The following SCAF1 variants were observed in gnomAD, a reference collection of about 807,000 sequenced individuals.
The protein encoded by SCAF1 is splicing factor, arginine/serine-rich 19.
A neutral mutation model predicts 91.2 loss-of-function variants in SCAF1; 28 were observed. The observed-to-expected ratio is 0.31, with a 90% confidence interval of 0.23 to 0.42. The LOEUF (loss-of-function observed/expected upper bound fraction) is 0.42. Ranked by LOEUF, SCAF1 falls within the 10% of genes least tolerant of loss-of-function variation. The pLI, the probability that SCAF1 is intolerant of heterozygous loss-of-function variation, is 1.00. For missense variants in SCAF1, 1,893 were observed against 1,872.1 expected, an observed-to-expected ratio of 1.01 and a Z score of -0.21; for synonymous variants, 1,036 against 833.7, an observed-to-expected ratio of 1.24 and a Z score of -4.18.
chr19:49,645,032 G>A lies in SCAF1; in HGVS notation c.6G>A (p.Glu2=). 6.2e-7 allele frequency: 1 copy of A among 1,613,790 alleles called. No homozygotes were observed. Among genetic ancestry groups the A allele is most frequent in the Non-Finnish European group, 8.5e-7 (1 of 1,179,752 alleles). ...CCCTGGACCCCCAGGTGACCATGGA[G>A]GAAGAAGATGAGTCTCGAGGGAAGA... M[E]EEDESRGKTE... Residue 2 remains glutamate, a synonymous_variant, in exon 2 of 11, where the codon GAG becomes GAA. Transcript: ENST00000360565. The surrounding 1 kb of genome is among the most constrained non-coding windows in gnomAD (Gnocchi z 4.6).
rs2081162321 is a variant in SCAF1 at position 49,658,475 on chromosome 19, T to A, written c.*76T>A. 1.3e-6 allele frequency: 1 copy of A among 790,082 alleles called. No homozygotes were observed. The highest frequency in any genetic ancestry group is 2.0e-6 in the Non-Finnish European group (1 of 501,952). 48.9% of individuals were successfully genotyped at this position (790,082 alleles called of 1,614,324 possible). On this transcript the variant is annotated 3_prime_UTR_variant, in exon 11 of 11. Transcript: ENST00000360565. ...TTATGGCTCCACCTCCCCACCTCCC[T>A]CCCCCGTCAGTGGGATGACTGGGGG...
In SCAF1 at chr19:49,653,671, T is replaced by C; in HGVS notation, c.3282T>C (p.Ala1094=). ...CGCCCATGCCCTGGAATCTGCCAGC[T>C]GGTGTGGACTGCACCACCAGCGGCG... ...LPPPMPWNLP[A]GVDCTTSGVL... The change falls in exon 7 of 11, where the codon GCT becomes GCC. Residue 1094 remains alanine (A), a synonymous_variant. Transcript: ENST00000360565. 6.3e-7 allele frequency: 1 copy of C among 1,586,478 alleles called. No homozygotes were observed.
In SCAF1 at chr19:49,652,828, C is replaced by T. The variant is rs370588648; in HGVS notation, c.2439C>T (p.Val813=). 8.7e-6 allele frequency: 14 copies of T among 1,613,936 alleles called. No homozygotes were observed. Among genetic ancestry groups the T allele is most frequent in the Non-Finnish European group, 1.1e-5 (13 of 1,180,002 alleles). ...CAGGGCCCCCGCCAAAGCCACCAGT[C>T]AGCAGCGGCTCAGGCTCTTCATCCT... ...PSSGPPPKPP[V]SSGSGSSSSS... Residue 813 remains valine (V), a synonymous_variant, in exon 7 of 11, where the codon GTC becomes GTT. Coordinates refer to ENST00000360565, the MANE Select transcript of SCAF1 (RefSeq NM_021228.3).
rs1349532868 is a variant in SCAF1, at chr19:49,658,336, G to C, written c.3876G>C (p.Arg1292=). Residue 1292 remains arginine (R), a synonymous_variant, in exon 11 of 11, where the codon CGG becomes CGC. Transcript: ENST00000360565. The part of the protein sequence containing the change: ...RKPGDPPGPP[R]PPKEPGPPDK... The stretch of plus-strand genomic sequence containing the variant: ...CAGGGGACCCCCCAGGGCCCCCACG[G>C]CCGCCCAAGGAGCCAGGGCCCCCAG... The C allele has an allele frequency of 6.3e-7, 1 of 1,585,374 alleles. No individual in the cohort carries two copies. The highest frequency in any genetic ancestry group is 8.6e-7 in the Non-Finnish European group (1 of 1,168,012).
rs2081099505 is a variant in SCAF1, at chr19:49,652,171, C to A, written c.1782C>A (p.Arg594=). 8.6e-7 allele frequency: 1 copy of A among 1,164,378 alleles called. No individual in the cohort carries two copies. The highest frequency in any genetic ancestry group is 5.0e-5 in the Admixed American group (1 of 20,164). The allele number at this position is 1,164,378 out of a possible 1,614,324, so 72.1% of individuals were successfully genotyped here. Reference sequence around the variant, plus strand: ...GCTCGCGCAGCACCGACCGCCGCCGCGGGGGCAGCCGCAGGTCGCGGTCCC... The same window carrying A: ...GCTCGCGCAGCACCGACCGCCGCCGAGGGGGCAGCCGCAGGTCGCGGTCCC... ...RRRSRSTDRR[R]GGSRRSRSRE... The change falls in exon 7 of 11, where the codon CGC becomes CGA. Residue 594 remains arginine (R), a synonymous_variant. Coordinates refer to ENST00000360565, the MANE Select transcript of SCAF1 (RefSeq NM_021228.3).
rs1027612650 is a variant in SCAF1 at position 49,645,201 on chromosome 19, C to T, written c.108+67C>T. The T allele has an allele frequency of 6.4e-5, 97 of 1,527,100 alleles. 1 individual carries two copies. The Middle Eastern group carries it at 4.1e-3, about 64-fold the overall frequency. The allele number at this position is 1,527,100 out of a possible 1,614,324, so 94.6% of individuals were successfully genotyped here. A position where few individuals can be genotyped will look rare whatever the true frequency, so the allele number is the denominator to read the frequency against. On this transcript the variant is annotated intron_variant, in intron 2 of 10. Transcript: ENST00000360565. This position sits in a 1 kb window ranked among gnomAD's most constrained non-coding sequence, Gnocchi z 4.6. ...GGGCATCCACACTCCAGGGGCCTGA[C>T]TCCAGGGCCTGAGGCAGGGGCGCTG...
In SCAF1 at chr19:49,646,565, G is replaced by C. The variant is rs1413038223; in HGVS notation, c.301G>C (p.Val101Leu). The change falls in exon 5 of 11, where the codon GTG becomes CTG. Residue 101 changes from valine to leucine, a missense_variant. By Grantham distance (32) the Val-to-Leu change is conservative (BLOSUM62 1). Transcript: ENST00000360565. The surrounding 1 kb of genome is among the most constrained non-coding windows in gnomAD (Gnocchi z 5.6). ...CACGGACAGCTTCCTCGCAGGGCTG[G>C]TGAGTGTCCTGGATCCCCCGGATAC... is the stretch of plus-strand genomic sequence containing the variant. ...MATDSFLAGL[V>L]SVLDPPDTWV... 6.8e-6 allele frequency: 11 copies of C among 1,614,028 alleles called. No homozygotes were observed. Among genetic ancestry groups the C allele is most frequent in the African/African-American group, 1.3e-5 (1 of 74,908 alleles).
Position 49,646,240 on chromosome 19 carries a change from G to T in SCAF1, c.261+38G>T, listed in dbSNP as rs748761021. 19 of 1,427,982 alleles carry T rather than the reference G, an allele frequency of 1.3e-5. No individual in the cohort carries two copies. Among genetic ancestry groups the T allele is most frequent in the Non-Finnish European group, 1.5e-5 (15 of 1,033,098 alleles). 88.5% of individuals were successfully genotyped at this position (1,427,982 alleles called of 1,614,324 possible). A position where few individuals can be genotyped will look rare whatever the true frequency, so the allele number is the denominator to read the frequency against. On this transcript the variant is annotated intron_variant, in intron 4 of 10. Transcript: ENST00000360565. The surrounding 1 kb of genome is among the most constrained non-coding windows in gnomAD (Gnocchi z 5.6). ...AGGGGGCTGGGGGCCTGGCTCACGG[G>T]TATCAGGGAGGAAGGGATGGGGGCC...
chr19:49,653,097 AGGCCAAGGCAGG>A lies in SCAF1; in HGVS notation c.2716_2727del (p.Ala906_Lys909del), dbSNP rs1325180416. ...ACCAAGCCCAAAAAGACCAAGGTCA[AGGCCAAGGCAGG>A]GGCCAAGAAAACCAAGGGGACCAAG... On this transcript the variant is annotated inframe_deletion, in exon 7 of 11. Transcript: ENST00000360565. 2 of 1,612,766 alleles carry A rather than the reference AGGCCAAGGCAGG, an allele frequency of 1.2e-6. No individual in the cohort carries two copies. The highest frequency in any genetic ancestry group is 1.1e-5 in the South Asian group (1 of 90,946).
In SCAF1 at chr19:49,646,769, C is replaced by T. The variant is rs764431608; in HGVS notation, c.417C>T (p.Pro139=). ...AGGTCCGAATCGGGGACAGAGATCCCATCCCTCTGCCTGTGCCCAGCCTGC... is the reference window on the plus strand; with the variant it reads ...AGGTCCGAATCGGGGACAGAGATCCTATCCCTCTGCCTGTGCCCAGCCTGC... ...VAEVRIGDRD[P]IPLPVPSLLP... The change falls in exon 6 of 11, where the codon CCC becomes CCT. Residue 139 remains proline, a synonymous_variant. Transcript: ENST00000360565. This position sits in a 1 kb window ranked among gnomAD's most constrained non-coding sequence, Gnocchi z 5.6. The T allele has an allele frequency of 1.9e-6, 3 of 1,613,784 alleles. No individual in the cohort carries two copies. Among genetic ancestry groups the T allele is most frequent in the African/African-American group, 1.3e-5 (1 of 74,912 alleles).
Position 49,651,160 on chromosome 19 carries a change from C to G in SCAF1, c.771C>G (p.Asn257Lys). ...KYDPFEPTGSNPSSSAGTPSP... is the reference protein window; with the variant it reads ...KYDPFEPTGSKPSSSAGTPSP... ...ACCCTTTTGAGCCCACCGGCTCCAA[C>G]CCCAGCTCATCAGCGGGGACCCCCT... Residue 257 changes from asparagine (N) to lysine (K), a missense_variant, in exon 7 of 11, where the codon AAC becomes AAG. By Grantham distance (94) the Asn-to-Lys change is moderately conservative. Transcript: ENST00000360565. 1 of 1,613,172 alleles carries G rather than the reference C, an allele frequency of 6.2e-7. No individual in the cohort carries two copies. Among genetic ancestry groups the G allele is most frequent in the Non-Finnish European group, 8.5e-7 (1 of 1,179,820 alleles).
At chr19:49,658,015 G>A (rs2081155049) in intron 10 of SCAF1, 126 bp downstream of exon 10, 2 of 1,376,534 alleles carry the variant, frequency 1.5e-6, no homozygotes, top group Non-Finnish European at 2.0e-6. Flanking sequence ...TGAGGAGGGT[G>A]ACAGGATTTT....
Position 49,652,018 on chromosome 19 carries a change from GC to G in SCAF1, c.1632del (p.Ala545ProfsTer193). 1 of 1,207,802 alleles carries G rather than the reference GC, an allele frequency of 8.3e-7. No individual in the cohort carries two copies. The allele number at this position is 1,207,802 out of a possible 1,614,324, so 74.8% of individuals were successfully genotyped here. On this transcript the variant is annotated frameshift_variant, in exon 7 of 11. Transcript: ENST00000360565. LOFTEE classifies it high-confidence loss of function. ...CCTCGTCGGGCACCCAGCCAGCGCC[GC>G]CCGCCCCGGCCTCGCCCTGGGACTC... ...SSSSGTQPAP[P>X]APASPWDSKK...
At chr19:49,648,777 C>G (rs1255359770) in intron 6 of SCAF1, among the ~76,000 whole-genome samples, 1 of 151,884 alleles carries the variant, frequency 6.6e-6, no homozygotes, top group Admixed American at 6.6e-5. Context: ...TTGAGACCAT[C>G]CTGGCCAACA....
Position 49,651,030 on chromosome 19 carries a change from C to A in SCAF1, c.641C>A (p.Pro214His). Residue 214 changes from proline to histidine, a missense_variant, in exon 7 of 11, where the codon CCC (proline) becomes CAC (histidine). Transcript: ENST00000360565. Reference protein sequence around the residue: ...SSPSPPPPPPPPAPPAPPAPR... With the variant: ...SSPSPPPPPPHPAPPAPPAPR... ...CCTTCCCCTCCCCCACCCCCACCGC[C>A]CCCTGCACCCCCAGCCCCACCTGCC... 1 of 684,070 alleles carries A rather than the reference C, an allele frequency of 1.5e-6. No homozygotes were observed. Among genetic ancestry groups the A allele is most frequent in the Non-Finnish European group, 2.4e-6 (1 of 422,610 alleles). The allele number at this position is 684,070 out of a possible 1,614,324, so 42.4% of individuals were successfully genotyped here.
intron 6 of SCAF1, among the ~76,000 whole-genome samples, chr19:49,648,564 C>A (rs1353150871): frequency 6.6e-6 from 1 of 150,394 alleles, no homozygotes; most frequent in Non-Finnish European, 1.5e-5. Context: ...TGCCACACCC[C>A]CCCCCCTTTT....
At position 49,645,711 on chromosome 19, in the gene SCAF1, A is replaced by G. The variant is rs1451131258; in HGVS notation, c.166+300A>G. ...GCTCTCTAAGGACCTAGAAGAGTCT[A>G]AGGACCTAGGATTAGAGGGAAGCCT... On this transcript the variant is annotated intron_variant, in intron 3 of 10. Coordinates refer to ENST00000360565, the MANE Select transcript of SCAF1 (RefSeq NM_021228.3). The surrounding 1 kb of genome is among the most constrained non-coding windows in gnomAD (Gnocchi z 4.6). Among the ~76,000 whole-genome samples, 1 of 152,140 alleles carries G rather than the reference A, an allele frequency of 6.6e-6. No individual in the cohort carries two copies. The highest frequency in any genetic ancestry group is 1.5e-5 in the Non-Finnish European group (1 of 68,016).
In SCAF1 at chr19:49,642,996, A is replaced by G. The variant is rs2081035797; in HGVS notation, c.-7+754A>G. The stretch of plus-strand genomic sequence containing the variant: ...ATCTAGATGGCTTTAATGTGACTGC[A>G]GGAATGCAGTTTTGATGCCTGGAGC... On this transcript the variant is annotated intron_variant, in intron 1 of 10. Transcript: ENST00000360565. The surrounding 1 kb of genome is among the most constrained non-coding windows in gnomAD (Gnocchi z 4.0). 1.3e-5 allele frequency among the ~76,000 whole-genome samples: 2 copies of G among 152,222 alleles called. No homozygotes were observed. Among genetic ancestry groups the G allele is most frequent in the Non-Finnish European group, 1.5e-5 (1 of 68,036 alleles).
In SCAF1 at chr19:49,651,651, C is replaced by G; in HGVS notation, c.1262C>G (p.Pro421Arg). 1 of 1,423,924 alleles carries G rather than the reference C, an allele frequency of 7.0e-7. No homozygotes were observed. Among genetic ancestry groups the G allele is most frequent in the Non-Finnish European group, 9.1e-7 (1 of 1,098,202 alleles). The allele number at this position is 1,423,924 out of a possible 1,614,324, so 88.2% of individuals were successfully genotyped here. A position where few individuals can be genotyped will look rare whatever the true frequency, so the allele number is the denominator to read the frequency against. Residue 421 changes from proline to arginine, a missense_variant, in exon 7 of 11, where the codon CCG (proline) becomes CGG (arginine). Physicochemically the swap from Pro to Arg is moderately radical, Grantham distance 103. Transcript: ENST00000360565. ...RPGGRAARPT[P>R]AASATPTAQP... Reference sequence around the variant, plus strand: ...GGCGGCCGGGCCGCCCGGCCTACACCGGCCGCCTCGGCCACCCCCACGGCC... The same window carrying G: ...GGCGGCCGGGCCGCCCGGCCTACACGGGCCGCCTCGGCCACCCCCACGGCC...
Sources: allele counts gnomAD v4.1 joint callset (sites outside exome capture counted in the v4.1 genomes callset), GRCh38; gene constraint gnomAD v4.1.1; non-coding constraint Gnocchi (gnomAD v3.1); transcripts MANE v1.5; gene names NCBI Gene and HGNC (gene_info 2026-07-23, HGNC 2026-07-21).